The following SMC3 variants were observed in gnomAD, a reference collection of about 807,000 sequenced individuals.
SMC3 encodes structural maintenance of chromosomes 3.
In SMC3, 20 loss-of-function variants were observed where a neutral mutation model predicts 171.8. The observed-to-expected ratio is 0.12, with a 90% CI of 0.08 to 0.17. The LOEUF (loss-of-function observed/expected upper bound fraction) is 0.17, where lower values mean the gene tolerates loss of function less well. SMC3 is among the 10% of genes least tolerant of loss of function. SMC3 has a pLI of 1.00. For synonymous variants in SMC3, 464 were observed against 451.1 expected (o/e 1.03, Z -0.36); for missense variants, 543 against 1,420.4 (o/e 0.38, Z 9.93).
At position 110,577,303 on chromosome 10, in the gene SMC3, T is replaced by C. The variant is rs182456346; in HGVS notation, c.199-118T>C. The C allele has an allele frequency of 4.1e-5, 31 of 748,940 alleles. No homozygotes were observed. In the East Asian group the frequency reaches 7.6e-4, roughly 18 times the overall value. The allele number at this position is 748,940 out of a possible 1,614,324, so 46.4% of individuals were successfully genotyped here. A position where few individuals can be genotyped will look rare whatever the true frequency, so the allele number is the denominator to read the frequency against. On this transcript the variant is annotated intron_variant, in intron 4 of 28. Coordinates refer to ENST00000361804, the MANE Select transcript of SMC3 (RefSeq NM_005445.4). Reference sequence around the variant, plus strand: ...TAGTGTGTGTGTGTATATATGAATCTAGCAGAAATTTTTCTCCATTGAATC... The same window carrying C: ...TAGTGTGTGTGTGTATATATGAATCCAGCAGAAATTTTTCTCCATTGAATC...
At chr10:110,600,184 G>A (rs553761195) in intron 21 of SMC3, among the ~76,000 whole-genome samples, 4 of 152,038 alleles carry the variant, frequency 2.6e-5, no homozygotes, top group Non-Finnish European at 4.4e-5. Context: ...TACCAACACC[G>A]ATTCTAAAAA....
chr10:110,567,736 G>T lies in SMC3; in HGVS notation c.-81G>T. Reference sequence around the variant, plus strand: ...CGAGCGGCGCTTTGGGGGAGGGGTCGCGTAGGCGCCTCACCTGACCCTGCG... The same window carrying T: ...CGAGCGGCGCTTTGGGGGAGGGGTCTCGTAGGCGCCTCACCTGACCCTGCG... On this transcript the variant is annotated 5_prime_UTR_variant, in exon 1 of 29. Coordinates refer to ENST00000361804, the MANE Select transcript of SMC3 (RefSeq NM_005445.4). 6.5e-7 allele frequency: 1 copy of T among 1,549,876 alleles called. No homozygotes were observed. The highest frequency in any genetic ancestry group is 1.1e-5 in the South Asian group (1 of 89,352).
chr10:110,600,658 C>T, intron 22 of SMC3, 112 bp downstream of exon 22: 2 of 713,168 alleles, frequency 2.8e-6, no homozygotes, highest in Admixed American at 4.8e-5. Flanking sequence ...GGACAGAAAG[C>T]TTAGTGTCTT....
At chr10:110,583,790 C>G (rs760082313) in intron 11 of SMC3, 51 bp from the exon 12 acceptor site, 42 of 1,593,530 alleles carry the variant, frequency 2.6e-5, no homozygotes, top group Non-Finnish European at 3.4e-5. Flanking sequence ...TATGCTAGAC[C>G]TAAATTATGC....
At chr10:110,600,414 A>G (rs375445096) in intron 21 of SMC3, 25 bp from the exon 22 acceptor site, 6 of 1,156,372 alleles carry the variant, frequency 5.2e-6, no homozygotes, top group South Asian at 1.2e-5. Context: ...ACATGCTTAT[A>G]TAGACAACTT....
At chr10:110,587,147 GTATC>G (rs1420051363) in intron 13 of SMC3, among the ~76,000 whole-genome samples, 1 of 152,122 alleles carries the variant, frequency 6.6e-6, no homozygotes. Flanking sequence ...TATGTCAGTG[GTATC>G]TTGGCCGTAG....
At chr10:110,584,063 A>C in intron 12 of SMC3, 101 bp downstream of exon 12, 1 of 1,532,232 alleles carries the variant, frequency 6.5e-7, no homozygotes, top group East Asian at 2.3e-5. Context: ...TTTACACTTA[A>C]TTCTTTTTGT....
chr10:110,600,341 G>C, intron 21 of SMC3, 98 bp from the exon 22 acceptor site: 1 of 735,486 alleles, frequency 1.4e-6, no homozygotes, highest in East Asian at 2.5e-5. Flanking sequence ...CTTCATTTCA[G>C]CTCACATGAG....
intron 3 of SMC3, 104 bp downstream of exon 3, chr10:110,573,849 G>A: frequency 1.2e-6 from 1 of 830,302 alleles, no homozygotes; most frequent in Non-Finnish European, 2.1e-6. Context: ...TGAAACCCAA[G>A]AAATACTTTA....
rs770886995 is a variant in SMC3 at position 110,600,565 on chromosome 10, T to G, written c.2535+19T>G. On this transcript the variant is annotated intron_variant, in intron 22 of 28. Transcript: ENST00000361804. ...AGAACAGGTGTGTATGTGTTTTTTT[T>G]TTTTTTTTTAAGGGCTCCTTGGTGG... The G allele has an allele frequency of 4.4e-6, 6 of 1,372,434 alleles. No homozygotes were observed. The highest frequency in any genetic ancestry group is 3.6e-4 in the Middle Eastern group (2 of 5,600). 85.0% of individuals were successfully genotyped at this position (1,372,434 alleles called of 1,614,324 possible).
chr10:110,597,210 G>A (rs1282549791), intron 19 of SMC3, among the ~76,000 whole-genome samples: 2 of 150,794 alleles, frequency 1.3e-5, no homozygotes, highest in Admixed American at 1.3e-4. Flanking sequence ...GAAGTTATTT[G>A]GTGCAGATTT....
chr10:110,589,771 G>C (rs1378951415), intron 14 of SMC3, 63 bp downstream of exon 14: 8 of 1,418,150 alleles, frequency 5.6e-6, no homozygotes, highest in Middle Eastern at 4.4e-4. Context: ...CTGTTATGTG[G>C]TCTTTAAGTT....
At chr10:110,587,610 T>C (rs1274439310) in intron 13 of SMC3, among the ~76,000 whole-genome samples, 5 of 149,514 alleles carry the variant, frequency 3.3e-5, no homozygotes, top group Non-Finnish European at 5.9e-5. Flanking sequence ...GGCGTGAACC[T>C]GGGAGGCAGA....
intron 11 of SMC3, 41 bp downstream of exon 11, chr10:110,583,589 G>T: frequency 6.3e-7 from 1 of 1,596,576 alleles, no homozygotes. Context: ...GAATGTTCAG[G>T]TGAGTAGCAA....
chr10:110,584,497 G>C, intron 13 of SMC3, 101 bp downstream of exon 13: 1 of 797,524 alleles, frequency 1.3e-6, no homozygotes. Flanking sequence ...TCTACATGTT[G>C]CTCTTAAAAT....
intron 18 of SMC3, among the ~76,000 whole-genome samples, chr10:110,595,695 A>G (rs929144247): frequency 1.3e-5 from 2 of 152,130 alleles, no homozygotes; most frequent in Non-Finnish European, 2.9e-5. Context: ...TTCTGTAGAA[A>G]AGAGTCTCCA....
chr10:110,598,595 G>A (rs1861337025), intron 20 of SMC3, among the ~76,000 whole-genome samples: 1 of 151,946 alleles, frequency 6.6e-6, no homozygotes, highest in African/African-American at 2.4e-5. Flanking sequence ...TAGTAGACAT[G>A]GGGTTTCACC....
intron 5 of SMC3, 82 bp from the exon 6 acceptor site, chr10:110,577,753 G>T: frequency 1.1e-6 from 1 of 906,372 alleles, no homozygotes; most frequent in Non-Finnish European, 1.8e-6. Flanking sequence ...ATACTTATGG[G>T]CAAGGACTTT....
At chr10:110,587,347 C>G (rs10749039) in intron 13 of SMC3, among the ~76,000 whole-genome samples, 112,058 of 152,022 alleles carry the variant, frequency 0.74, 42,536 homozygotes, top group Non-Finnish European at 0.84. Context: ...CATTAGTGTT[C>G]AGATACACCT....
Sources: gnomAD v4.1 joint callset for allele counts (sites outside exome capture counted in the v4.1 genomes callset) on GRCh38, gnomAD v4.1.1 for gene constraint, MANE v1.5 for transcripts, NCBI Gene and HGNC (gene_info 2026-07-23, HGNC 2026-07-21) for gene names.